Variants in ZMYM1 observed in about 807,000 individuals in gnomAD.
The protein encoded by ZMYM1 is zinc finger MYM-type protein 1.
A neutral mutation model predicts 60.0 loss-of-function variants in ZMYM1; 39 were observed. The ratio of observed to expected loss-of-function variants is 0.65; its 90% CI spans 0.50 to 0.85. ZMYM1 has a LOEUF of 0.85. Among genes scored for constraint, ZMYM1 ranks in the 40% least tolerant of loss-of-function variants. The probability of loss-of-function intolerance (pLI) is 0.00; values close to 1 mark genes in which losing one functional copy is unlikely to be tolerated. For synonymous variants in ZMYM1, 413 were observed against 454.0 expected, an observed-to-expected ratio of 0.91 and a Z score of 1.15; for missense variants, 1,171 against 1,309.5, an observed-to-expected ratio of 0.89 and a Z score of 1.63.
chr1:35,095,430 A>G (rs1643253855), intron 2 of ZMYM1, among the ~76,000 whole-genome samples: 1 of 149,664 alleles, frequency 6.7e-6, no homozygotes, highest in Non-Finnish European at 1.5e-5. Flanking sequence ...GAAGTAGGTT[A>G]TAGTGAGACG....
intron 3 of ZMYM1, 53 bp from the exon 4 acceptor site, chr1:35,097,264 A>T: frequency 1.3e-6 from 2 of 1,526,262 alleles, no homozygotes; most frequent in Non-Finnish European, 1.8e-6. Context: ...AGGAATGCCT[A>T]CTTAATTTTG....
At chr1:35,104,792 T>C (rs1284150885) in intron 6 of ZMYM1, 23 bp downstream of exon 6, 5 of 1,577,426 alleles carry the variant, frequency 3.2e-6, no homozygotes, top group Non-Finnish European at 4.3e-6. Context: ...ACCTATTGTT[T>C]CTTCTATTAA....
At position 35,114,365 on chromosome 1, in the gene ZMYM1, A is replaced by G. The variant is rs753269499; in HGVS notation, c.2535A>G (p.Glu845=). Reference sequence around the variant, plus strand: ...CTTCAAATACAAGTTTCGCCGATGAATTGAGTCATTTGCTGACATTGGTTT... The same window carrying G: ...CTTCAAATACAAGTTTCGCCGATGAGTTGAGTCATTTGCTGACATTGGTTT... ...SHSSNTSFAD[E]LSHLLTLVSK... is the part of the protein sequence containing the mutation. The change falls in exon 10 of 10, where the codon GAA becomes GAG. Residue 845 remains glutamate (E), a synonymous_variant. Transcript: ENST00000359858. 1 of 1,612,738 alleles carries G rather than the reference A, an allele frequency of 6.2e-7. No homozygotes were observed. The highest frequency in any genetic ancestry group is 8.5e-7 in the Non-Finnish European group (1 of 1,179,406).
At chr1:35,070,691 C>A (rs1449319430) in intron 1 of ZMYM1, among the ~76,000 whole-genome samples, 1 of 151,832 alleles carries the variant, frequency 6.6e-6, no homozygotes, top group African/African-American at 2.4e-5. Flanking sequence ...CCTGTTCTTA[C>A]AAGAAAAGCT....
chr1:35,089,223 G>A (rs1418262671), intron 1 of ZMYM1, among the ~76,000 whole-genome samples: 3 of 152,152 alleles, frequency 2.0e-5, no homozygotes, highest in South Asian at 2.1e-4. Flanking sequence ...TGTACCTCAC[G>A]TAAACCTCAT....
At chr1:35,064,355 A>G (rs1355243400) in intron 1 of ZMYM1, among the ~76,000 whole-genome samples, 1 of 151,554 alleles carries the variant, frequency 6.6e-6, no homozygotes, top group Non-Finnish European at 1.5e-5. Context: ...CCACAATTAT[A>G]GTTGGAAACT....
downstream of ZMYM1, among the ~76,000 whole-genome samples, chr1:35,117,013 T>C (rs1644256845): frequency 6.6e-6 from 1 of 150,578 alleles, no homozygotes; most frequent in Admixed American, 6.6e-5. Context: ...CCGGCTAATT[T>C]TTTGTATTTT....
chr1:35,108,315 A>AT (rs1643962352), intron 6 of ZMYM1, among the ~76,000 whole-genome samples: 1 of 151,892 alleles, frequency 6.6e-6, no homozygotes, highest in African/African-American at 2.4e-5. Context: ...ACGTATATGT[A>AT]TTTTTTTGTC....
intron 1 of ZMYM1, among the ~76,000 whole-genome samples, chr1:35,070,476 T>C (rs1418932050): frequency 6.6e-6 from 1 of 152,212 alleles, no homozygotes; most frequent in East Asian, 1.9e-4. Flanking sequence ...TTCTAACAGA[T>C]TTTTGGTGGA....
In ZMYM1 at chr1:35,093,922, A is replaced by G. The variant is rs1569932421; in HGVS notation, c.-66A>G. 2.7e-6 allele frequency: 3 copies of G among 1,126,994 alleles called. No individual in the cohort carries two copies. In the East Asian group the frequency reaches 7.8e-5, roughly 29 times the overall value. The allele number at this position is 1,126,994 out of a possible 1,614,324, so 69.8% of individuals were successfully genotyped here. ...TCAATATTTTATTTTAGGAATCTGG[A>G]AACTGTTCTTCAGGAAGAAACCCAT... On this transcript the variant is annotated 5_prime_UTR_variant, in exon 2 of 10. Transcript: ENST00000359858.
downstream of ZMYM1, among the ~76,000 whole-genome samples, chr1:35,117,968 G>A (rs1237197199): frequency 1.3e-5 from 2 of 151,628 alleles, no homozygotes; most frequent in African/African-American, 2.4e-5. Flanking sequence ...GGCTGGGGAC[G>A]GTAGCTCACG....
intron 1 of ZMYM1, among the ~76,000 whole-genome samples, chr1:35,068,744 A>C (rs559017992): frequency 3.0e-4 from 45 of 152,012 alleles, no homozygotes; most frequent in Non-Finnish European, 5.0e-4. Flanking sequence ...TAAAACTATA[A>C]AATTTTTGGA....
chr1:35,095,798 T>C (rs1447313898), intron 2 of ZMYM1, 21 bp from the exon 3 acceptor site: 3 of 1,533,330 alleles, frequency 2.0e-6, no homozygotes, highest in East Asian at 2.3e-5. Context: ...TTTTTAATTA[T>C]TATTTTTTTT....
At position 35,114,909 on chromosome 1, in the gene ZMYM1, C is replaced by G; in HGVS notation, c.3079C>G (p.Leu1027Val). 1 of 1,611,740 alleles carries G rather than the reference C, an allele frequency of 6.2e-7. No individual in the cohort carries two copies. ...ACTTGATGAGGACATTATCCCAGAA[C>G]TTAGATTTTATCGACATTATGCAAA... Reference protein sequence around the residue: ...YKLDEDIIPELRFYRHYAKLN... With the variant: ...YKLDEDIIPEVRFYRHYAKLN... Residue 1027 changes from leucine to valine, a missense_variant, in exon 10 of 10, where the codon CTT (leucine) becomes GTT (valine). Transcript: ENST00000359858.
upstream of ZMYM1, among the ~76,000 whole-genome samples, chr1:35,074,858 T>A (rs1295339138): frequency 2.6e-3 from 315 of 120,720 alleles, 2 homozygotes; most frequent in South Asian, 0.021. Context: ...CATATATATT[T>A]TTTTTTTTTT....
chr1:35,116,087 T>A, downstream of ZMYM1, among the ~76,000 whole-genome samples: 1 of 152,012 alleles, frequency 6.6e-6, no homozygotes, highest in Non-Finnish European at 1.5e-5. Context: ...TTTTTTAAAT[T>A]AGTGAAGTGT....
At chr1:35,072,105 G>C (rs1345117516) in intron 1 of ZMYM1, among the ~76,000 whole-genome samples, 1 of 152,198 alleles carries the variant, frequency 6.6e-6, no homozygotes, top group African/African-American at 2.4e-5. Context: ...TTGCATTCCA[G>C]CCTGGGCAAT....
chr1:35,100,298 G>A (rs1170756071), intron 4 of ZMYM1, among the ~76,000 whole-genome samples: 1 of 151,996 alleles, frequency 6.6e-6, no homozygotes. Flanking sequence ...AGATCCCTTT[G>A]AAGATGACAT....
chr1:35,090,038 T>A (rs767383569), intron 1 of ZMYM1, among the ~76,000 whole-genome samples: 6 of 151,838 alleles, frequency 4.0e-5, no homozygotes, highest in Non-Finnish European at 7.4e-5. Context: ...CCAGAGTAGC[T>A]GGGACTACAG....
Sources: gnomAD v4.1 joint callset for allele counts (sites outside exome capture counted in the v4.1 genomes callset) on GRCh38, gnomAD v4.1.1 for gene constraint, MANE v1.5 for transcripts, NCBI Gene and HGNC (gene_info 2026-07-23, HGNC 2026-07-21) for gene names.